The following NDUFV1 variants were observed in gnomAD, a reference collection of about 807,000 sequenced individuals.
The protein encoded by NDUFV1 is NADH dehydrogenase [ubiquinone] flavoprotein 1, mitochondrial.
NDUFV1 carries 41 observed loss-of-function variants against 48.7 expected under a neutral mutation model. The ratio of observed to expected loss-of-function variants is 0.84; its 90% CI spans 0.66 to 1.09. The LOEUF (loss-of-function observed/expected upper bound fraction) is 1.09, where lower values mean the gene tolerates loss of function less well. Among genes scored for constraint, NDUFV1 ranks in the 50% least tolerant of loss-of-function variants. The pLI is 0.00. For synonymous variants in NDUFV1, 231 were observed against 259.1 expected, an observed-to-expected ratio of 0.89 and a Z score of 1.04; for missense variants, 580 against 645.4, an observed-to-expected ratio of 0.90 and a Z score of 1.10.
chr11:67,611,521 G>A lies in NDUFV1; in HGVS notation c.1032G>A (p.Gln344=), dbSNP rs200518861. ...TVLMDFDALV[Q]AQTGLGTAAV... is the part of the protein sequence containing the mutation. ...TGATGGACTTCGATGCGCTGGTGCA[G>A]GCACAGACAGGCCTGGGCACAGCTG... Residue 344 remains glutamine (Q), a synonymous_variant, in exon 7 of 10, where the codon CAG becomes CAA. Transcript: ENST00000322776. This position sits in a 1 kb window ranked among gnomAD's most constrained non-coding sequence, Gnocchi z 4.2. The A allele has an allele frequency of 2.5e-6, 4 of 1,612,646 alleles. No homozygotes were observed. The African/African-American group carries it at 5.3e-5, about 21-fold the overall frequency.
chr11:67,609,562 G>A lies in NDUFV1; in HGVS notation c.437G>A (p.Gly146Asp), dbSNP rs139966879. ...CTGCTGGAAGGCTGCCTGGTGGGGG[G>A]CCGGGCCATGGGCGCCCGCGCTGCC... ...HKLLEGCLVG[G>D]RAMGARAAYI... Residue 146 changes from glycine (G) to aspartate (D), a missense_variant, in exon 4 of 10, where the codon GGC becomes GAC. Coordinates refer to ENST00000322776, the MANE Select transcript of NDUFV1 (RefSeq NM_007103.4). 3.1e-6 allele frequency: 5 copies of A among 1,612,762 alleles called. No individual in the cohort carries two copies. The highest frequency in any genetic ancestry group is 4.2e-6 in the Non-Finnish European group (5 of 1,179,898).
At chr11:67,610,336 C>A in intron 4 of NDUFV1, 45 bp from the exon 5 acceptor site, 1 of 1,610,810 alleles carries the variant, frequency 6.2e-7, no homozygotes, top group South Asian at 1.1e-5. Flanking sequence ...TAGGCTGACT[C>A]CTGGGCTGGG....
At chr11:67,610,224 G>A in intron 4 of NDUFV1, 157 bp from the exon 5 acceptor site, 2 of 732,434 alleles carry the variant, frequency 2.7e-6, no homozygotes, top group Non-Finnish European at 4.7e-6. Context: ...TCATAGTCAA[G>A]TTTTCCAATT....
intron 3 of NDUFV1, 46 bp downstream of exon 3, chr11:67,608,768 G>C: frequency 1.2e-6 from 2 of 1,608,380 alleles, no homozygotes; most frequent in Non-Finnish European, 1.7e-6. Flanking sequence ...GAGAGACCTT[G>C]GGGGTGGCTG....
At chr11:67,610,866 G>T in intron 5 of NDUFV1, 129 bp from the exon 6 acceptor site, 1 of 925,038 alleles carries the variant, frequency 1.1e-6, no homozygotes, top group East Asian at 2.5e-5. Flanking sequence ...GTCCAGCAGG[G>T]ATAAGAATGA....
At chr11:67,608,775 G>A in intron 3 of NDUFV1, 53 bp downstream of exon 3, 1 of 1,607,356 alleles carries the variant, frequency 6.2e-7, no homozygotes, top group African/African-American at 1.3e-5. Context: ...CTTGGGGGTG[G>A]CTGGGGTTTC....
intron 1 of NDUFV1, chr11:67,607,370 G>C (rs1301330856): frequency 1.6e-6 from 1 of 609,394 alleles, no homozygotes; most frequent in East Asian, 3.4e-5. Context: ...TCACAGCCTT[G>C]TAGGGCGTGA....
chr11:67,611,239 G>C lies in NDUFV1; in HGVS notation c.913+32G>C. ...CCTGGGGCCAGCCAGGTGGTGGGGG[G>C]GTGCGCAGTGGGGGCAGGTGTCCAC... On this transcript the variant is annotated intron_variant, in intron 6 of 9. Coordinates refer to ENST00000322776, the MANE Select transcript of NDUFV1 (RefSeq NM_007103.4). This position sits in a 1 kb window ranked among gnomAD's most constrained non-coding sequence, Gnocchi z 4.2. 1 of 1,603,790 alleles carries C rather than the reference G, an allele frequency of 6.2e-7. No individual in the cohort carries two copies. The highest frequency in any genetic ancestry group is 1.1e-5 in the South Asian group (1 of 90,832).
At chr11:67,607,581 T>G in intron 1 of NDUFV1, 1 of 434,348 alleles carries the variant, frequency 2.3e-6, no homozygotes, top group Non-Finnish European at 4.6e-6. Flanking sequence ...GGCATTTCTT[T>G]CCCATCAGTA....
chr11:67,609,328 G>A (rs558003417), intron 3 of NDUFV1, 124 bp from the exon 4 acceptor site: 199 of 944,026 alleles, frequency 2.1e-4, no homozygotes, highest in Admixed American at 5.4e-4. Flanking sequence ...TGTTGGGAGG[G>A]CAGTAAAGGA....
At chr11:67,607,241 C>A in intron 1 of NDUFV1, 165 bp downstream of exon 1, 2 of 811,436 alleles carry the variant, frequency 2.5e-6, no homozygotes, top group Non-Finnish European at 4.1e-6. Context: ...GGGAACGGGT[C>A]CCAACGCGGG....
chr11:67,611,373 A>G lies in NDUFV1; in HGVS notation c.914-30A>G. On this transcript the variant is annotated intron_variant, in intron 6 of 9. Transcript: ENST00000322776. The surrounding 1 kb of genome is among the most constrained non-coding windows in gnomAD (Gnocchi z 4.2). Reference sequence around the variant, plus strand: ...GTGCCGGCCCCAGCCCTGACCATGCATCCCTTTGGGGACCGACTTGGGGCC... The same window carrying G: ...GTGCCGGCCCCAGCCCTGACCATGCGTCCCTTTGGGGACCGACTTGGGGCC... 6.2e-7 allele frequency: 1 copy of G among 1,611,466 alleles called. No homozygotes were observed. The highest frequency in any genetic ancestry group is 8.5e-7 in the Non-Finnish European group (1 of 1,179,102).
chr11:67,610,236 G>A (rs571747517), intron 4 of NDUFV1, 145 bp from the exon 5 acceptor site: 14 of 856,640 alleles, frequency 1.6e-5, no homozygotes, highest in African/African-American at 3.3e-5. Flanking sequence ...TTTCCAATTC[G>A]TTTTACTAAG....
intron 5 of NDUFV1, 68 bp downstream of exon 5, chr11:67,610,638 T>C (rs1237781951): frequency 6.3e-7 from 1 of 1,575,542 alleles, no homozygotes; most frequent in Non-Finnish European, 8.6e-7. Flanking sequence ...AGGCTCCCTT[T>C]GGATTGTTCT....
Position 67,611,428 on chromosome 11 carries a change from C to A in NDUFV1, c.939C>A (p.Asn313Lys). The A allele has an allele frequency of 6.2e-7, 1 of 1,614,058 alleles. No individual in the cohort carries two copies. The highest frequency in any genetic ancestry group is 8.5e-7 in the Non-Finnish European group (1 of 1,180,004). ...HAGGVTGGWD[N>K]LLAVIPGGSS... is the part of the protein sequence containing the mutation. ...GGGGTGTCACGGGCGGCTGGGACAACCTCCTTGCTGTGATCCCTGGCGGCT... is the reference window on the plus strand; with the variant it reads ...GGGGTGTCACGGGCGGCTGGGACAAACTCCTTGCTGTGATCCCTGGCGGCT... Residue 313 changes from asparagine (N) to lysine (K), a missense_variant, in exon 7 of 10, where the codon AAC (asparagine) becomes AAA (lysine). Transcript: ENST00000322776. The surrounding 1 kb of genome is among the most constrained non-coding windows in gnomAD (Gnocchi z 4.2).
At position 67,612,141 on chromosome 11, in the gene NDUFV1, T is replaced by C. The variant is rs746089850; in HGVS notation, c.1184T>C (p.Val395Ala). The change falls in exon 9 of 10, where the codon GTG (valine) becomes GCG (alanine). Residue 395 changes from valine to alanine, a missense_variant. Physicochemically the swap from Val to Ala is moderately conservative, Grantham distance 64 (BLOSUM62 0). Coordinates refer to ENST00000322776, the MANE Select transcript of NDUFV1 (RefSeq NM_007103.4). The surrounding 1 kb of genome is among the most constrained non-coding windows in gnomAD (Gnocchi z 4.4). ...GCAGGTGTGGACTGGATGAACAAGG[T>C]GATGGCACGTTTCGTGAGGGGGGAT... ...CREGVDWMNK[V>A]MARFVRGDAR... The C allele has an allele frequency of 1.9e-6, 3 of 1,612,774 alleles. No individual in the cohort carries two copies. Among genetic ancestry groups the C allele is most frequent in the East Asian group, 4.5e-5 (2 of 44,760 alleles).
At position 67,608,400 on chromosome 11, in the gene NDUFV1, C is replaced by T; in HGVS notation, c.77C>T (p.Ala26Val). ...CCTGACCCTTTGTCTCCCTAGACAG[C>T]ACCCAAGAAAACCTCATTTGGCTCG... ...VSVRFSGDTT[A>V]PKKTSFGSLK... The change falls in exon 2 of 10, where the codon GCA becomes GTA. Residue 26 changes from alanine (A) to valine (V), a missense_variant. Transcript: ENST00000322776. The T allele has an allele frequency of 6.2e-7, 1 of 1,613,978 alleles. No individual in the cohort carries two copies. Among genetic ancestry groups the T allele is most frequent in the Non-Finnish European group, 8.5e-7 (1 of 1,179,898 alleles).
In NDUFV1 at chr11:67,609,605, G is replaced by A. The variant is rs1294562179; in HGVS notation, c.480G>A (p.Gly160=). 1 of 1,608,062 alleles carries A rather than the reference G, an allele frequency of 6.2e-7. No homozygotes were observed. The highest frequency in any genetic ancestry group is 1.1e-5 in the South Asian group (1 of 91,086). ...GARAAYIYIR[G]EFYNEASNLQ... is the part of the protein sequence containing the mutation. ...GCGCTGCCTATATCTACATCCGAGG[G>A]GAATTCTACAATGAGGCCTCCAATC... Residue 160 remains glycine, a synonymous_variant, in exon 4 of 10, where the codon GGG becomes GGA. Transcript: ENST00000322776.
Position 67,611,624 on chromosome 11 carries a change from C to T in NDUFV1, c.1080+55C>T, listed in dbSNP as rs1453313797. On this transcript the variant is annotated intron_variant, in intron 7 of 9. Transcript: ENST00000322776. The surrounding 1 kb of genome is among the most constrained non-coding windows in gnomAD (Gnocchi z 4.2). ...TGCCCTCCTGGTTGCTGTCTCCCTC[C>T]CTGGGCCTCCCAGAAAACCCTCTTG... 1.9e-6 allele frequency: 3 copies of T among 1,571,708 alleles called. No homozygotes were observed. The highest frequency in any genetic ancestry group is 2.6e-6 in the Non-Finnish European group (3 of 1,158,722).
Sources: gnomAD v4.1 joint callset for allele counts on GRCh38, gnomAD v4.1.1 for gene constraint, Gnocchi (gnomAD v3.1) non-coding constraint, MANE v1.5 for transcripts, NCBI Gene and HGNC (gene_info 2026-07-23, HGNC 2026-07-21) for gene names.